The following MACROD2 variants were observed in gnomAD, a reference collection of about 807,000 sequenced individuals.
MACROD2 encodes ADP-ribose glycohydrolase MACROD2.
In MACROD2, 36 loss-of-function variants were observed where a neutral mutation model predicts 70.4. The ratio of observed to expected loss-of-function variants is 0.51; its 90% CI spans 0.39 to 0.68. The LOEUF is 0.68. Among genes scored for constraint, MACROD2 ranks in the 30% least tolerant of loss-of-function variants. MACROD2 has a pLI of 0.00. For missense variants in MACROD2, 496 were observed against 538.4 expected (o/e 0.92, Z 0.78); for synonymous variants, 172 against 178.8 (o/e 0.96, Z 0.30).
chr20:14,131,630 C>G (rs2054719304), intron 3 of MACROD2, among the ~76,000 whole-genome samples: 1 of 152,098 alleles, frequency 6.6e-6, no homozygotes, highest in Non-Finnish European at 1.5e-5. Context: ...CATGTAGACT[C>G]CGAAGAGACC....
intron 4 of MACROD2, among the ~76,000 whole-genome samples, chr20:14,657,171 TTGAATA>T (rs564798990): frequency 4.7e-4 from 71 of 152,372 alleles, no homozygotes; most frequent in Non-Finnish European, 7.9e-4. Flanking sequence ...TTACATAACT[TTGAATA>T]TGTTGATTCA....
chr20:15,600,802 G>A (rs1008133636), intron 8 of MACROD2, among the ~76,000 whole-genome samples: 2 of 152,194 alleles, frequency 1.3e-5, no homozygotes, highest in Non-Finnish European at 2.9e-5. Context: ...TGCAGTGGCA[G>A]AGAAGAGCTT....
At chr20:14,281,265 T>A (rs1416278949) in intron 3 of MACROD2, among the ~76,000 whole-genome samples, 1 of 152,154 alleles carries the variant, frequency 6.6e-6, no homozygotes, top group Non-Finnish European at 1.5e-5. Context: ...GTACTGATAT[T>A]TATTACAGTA....
chr20:15,149,668 G>T (rs1168994183), intron 5 of MACROD2, among the ~76,000 whole-genome samples: 1 of 151,988 alleles, frequency 6.6e-6, no homozygotes, highest in African/African-American at 2.4e-5. Flanking sequence ...GATTTTAAGG[G>T]CCTCTAAAAG....
At chr20:14,431,697 G>C (rs113164529) in intron 3 of MACROD2, among the ~76,000 whole-genome samples, 166 of 152,278 alleles carry the variant, frequency 1.1e-3, no homozygotes, top group African/African-American at 3.9e-3. Flanking sequence ...TATAAAGTTA[G>C]AAAAGAATTT....
intron 3 of MACROD2, among the ~76,000 whole-genome samples, chr20:14,402,000 G>A (rs2083642833): frequency 6.6e-6 from 1 of 151,890 alleles, no homozygotes. Context: ...TATACTGCAG[G>A]CTTTGTCAAT....
intron 6 of MACROD2, among the ~76,000 whole-genome samples, chr20:15,232,697 T>G (rs953164888): frequency 2.6e-5 from 4 of 152,186 alleles, no homozygotes; most frequent in Middle Eastern, 6.8e-3. Context: ...ATATCTATTC[T>G]GAACACCAGA....
At chr20:15,677,834 C>T (rs148521545) in intron 8 of MACROD2, among the ~76,000 whole-genome samples, 82 of 152,110 alleles carry the variant, frequency 5.4e-4, no homozygotes, top group East Asian at 2.1e-3. Flanking sequence ...TTGGGGAGGC[C>T]GAGGCAGGTG....
At chr20:15,065,654 C>CAAAAAAA (rs554222351) in intron 5 of MACROD2, among the ~76,000 whole-genome samples, 7 of 95,020 alleles carry the variant, frequency 7.4e-5, no homozygotes, top group African/African-American at 2.8e-4. Context: ...ACTCCGTCTC[C>CAAAAAAA]AAAAAAAAAA....
chr20:15,721,219 C>T (rs1424055910), intron 8 of MACROD2, among the ~76,000 whole-genome samples: 1 of 136,422 alleles, frequency 7.3e-6, no homozygotes, highest in Non-Finnish European at 1.6e-5. Flanking sequence ...CTTCCAGGGA[C>T]ATTGCATTGC....
At chr20:15,722,304 G>A (rs565834701) in intron 8 of MACROD2, among the ~76,000 whole-genome samples, 47 of 152,192 alleles carry the variant, frequency 3.1e-4, no homozygotes, top group African/African-American at 1.1e-3. Context: ...GCTAGACAAC[G>A]CCCAGCTGTT....
intron 5 of MACROD2, among the ~76,000 whole-genome samples, chr20:14,970,417 A>G (rs1463732853): frequency 6.6e-6 from 1 of 152,168 alleles, no homozygotes; most frequent in Non-Finnish European, 1.5e-5. Flanking sequence ...CTACTTTAAA[A>G]AAGGAAAACA....
chr20:14,529,463 A>C (rs1568656069), intron 4 of MACROD2, among the ~76,000 whole-genome samples: 1 of 152,178 alleles, frequency 6.6e-6, no homozygotes, highest in Non-Finnish European at 1.5e-5. Flanking sequence ...ACAGGCCAGG[A>C]TAGGCTCCTC....
At chr20:15,596,012 G>A (rs994651843) in intron 8 of MACROD2, among the ~76,000 whole-genome samples, 5 of 152,152 alleles carry the variant, frequency 3.3e-5, no homozygotes, top group Non-Finnish European at 7.4e-5. Flanking sequence ...TACTATTACT[G>A]TTCTATTTCC....
intron 8 of MACROD2, among the ~76,000 whole-genome samples, chr20:15,841,600 TA>T (rs1252512149): frequency 6.6e-6 from 1 of 151,994 alleles, no homozygotes; most frequent in Admixed American, 6.6e-5. Context: ...GAACAGTATT[TA>T]CGGGATGGTG....
intron 2 of MACROD2, among the ~76,000 whole-genome samples, chr20:14,013,311 C>T (rs1328917845): frequency 9.1e-5 from 13 of 143,256 alleles, no homozygotes; most frequent in East Asian, 2.1e-4. Flanking sequence ...CTCTCTCTGT[C>T]GCCCAGGCTG....
chr20:15,697,576 T>A (rs187633740), intron 8 of MACROD2, among the ~76,000 whole-genome samples: 16 of 152,322 alleles, frequency 1.1e-4, no homozygotes, highest in Non-Finnish European at 1.9e-4. Flanking sequence ...GTCCATTTGT[T>A]CTAAGGTATA....
chr20:14,816,292 T>G (rs2072773063), intron 5 of MACROD2, among the ~76,000 whole-genome samples: 1 of 152,028 alleles, frequency 6.6e-6, no homozygotes, highest in Non-Finnish European at 1.5e-5. Context: ...GTTCTCTGAT[T>G]TCCAAACATC....
At chr20:16,029,941 A>G (rs1406744047) in intron 15 of MACROD2, among the ~76,000 whole-genome samples, 1 of 152,234 alleles carries the variant, frequency 6.6e-6, no homozygotes, top group Non-Finnish European at 1.5e-5. Context: ...GTGAACAAGA[A>G]CCAGGGAAGG....
Sources: allele counts gnomAD v4.1 joint callset (sites outside exome capture counted in the v4.1 genomes callset), GRCh38; gene constraint gnomAD v4.1.1; transcripts MANE v1.5; gene names NCBI Gene and HGNC (gene_info 2026-07-23, HGNC 2026-07-21).